The following SIK2 variants were observed in gnomAD, a reference collection of about 807,000 sequenced individuals.
SIK2 encodes the protein serine/threonine-protein kinase SIK2.
In SIK2, 29 loss-of-function variants were observed where a neutral mutation model predicts 103.2. That is an observed-to-expected ratio of 0.28 (90% CI 0.21 to 0.38). The LOEUF (loss-of-function observed/expected upper bound fraction) is 0.38, where lower values mean the gene tolerates loss of function less well. Among genes scored for constraint, SIK2 ranks in the 10% least tolerant of loss-of-function variants. The pLI is 1.00. For synonymous variants in SIK2, 412 were observed against 446.1 expected (o/e 0.92, Z 0.96); for missense variants, 879 against 1,171.0 (o/e 0.75, Z 3.64).
rs1565396473 is a variant in SIK2, at chr11:111,721,877, C to T, written c.1992C>T (p.Ser664=). The T allele has an allele frequency of 3.7e-6, 6 of 1,612,790 alleles. No individual in the cohort carries two copies. Among genetic ancestry groups the T allele is most frequent in the Admixed American group, 3.3e-5 (2 of 59,798 alleles). ...QQESVSTLPA[S]VHPQLSPRQS... ...AAAGCGTCTCCACTCTCCCTGCCAG[C>T]GTGCATCCCCAGCTGTCCCCACGGC... is the stretch of plus-strand genomic sequence containing the variant. The change falls in exon 13 of 15, where the codon AGC becomes AGT. Residue 664 remains serine (S), a synonymous_variant. Transcript: ENST00000304987.
chr11:111,715,265 C>T (rs1005044878), intron 9 of SIK2, among the ~76,000 whole-genome samples: 11 of 152,192 alleles, frequency 7.2e-5, no homozygotes, highest in Non-Finnish European at 2.9e-5. Context: ...GCTTGTCCCT[C>T]TTCCCTCCCT....
At chr11:111,626,408 T>C (rs890465257) in intron 3 of SIK2, among the ~76,000 whole-genome samples, 3 of 152,080 alleles carry the variant, frequency 2.0e-5, no homozygotes, top group Non-Finnish European at 4.4e-5. Flanking sequence ...TTTCTCTCTT[T>C]TCCCTTACTT....
In SIK2 at chr11:111,712,351, A is replaced by G; in HGVS notation, c.1242A>G (p.Glu414=). Reference sequence around the variant, plus strand: ...GTCAGGCGGAAGCTGCATTCATGGAAGAAGAGTGTGTGGACACTCCAAAGG... The same window carrying G: ...GTCAGGCGGAAGCTGCATTCATGGAGGAAGAGTGTGTGGACACTCCAAAGG... ...SGCQAEAAFM[E]EECVDTPKVN... Residue 414 remains glutamate (E), a synonymous_variant, in exon 9 of 15, where the codon GAA becomes GAG. Transcript: ENST00000304987. 6.2e-7 allele frequency: 1 copy of G among 1,614,184 alleles called. No individual in the cohort carries two copies. Among genetic ancestry groups the G allele is most frequent in the Non-Finnish European group, 8.5e-7 (1 of 1,180,020 alleles).
chr11:111,729,296 G>A lies in SIK2; in HGVS notation c.*5167G>A, dbSNP rs1944101748. On this transcript the variant is annotated 3_prime_UTR_variant, in exon 15 of 15. Transcript: ENST00000304987. ...ACAGATAGAGAACCAGGCGGCAGCA[G>A]TGCTCGCAGACCCACCCAGGGAGAG... 1 of 152,318 alleles carries A rather than the reference G, an allele frequency of 6.6e-6. No homozygotes were observed. The highest frequency in any genetic ancestry group is 2.4e-5 in the African/African-American group (1 of 41,466). The allele number at this position is 152,318 out of a possible 1,614,324, so 9.4% of individuals were successfully genotyped here. A position where few individuals can be genotyped will look rare whatever the true frequency, so the allele number is the denominator to read the frequency against.
chr11:111,640,970 G>T (rs1347302834), intron 3 of SIK2, among the ~76,000 whole-genome samples: 1 of 151,998 alleles, frequency 6.6e-6, no homozygotes, highest in Non-Finnish European at 1.5e-5. Flanking sequence ...TATAGTATTT[G>T]TAGGCATAAA....
In SIK2 at chr11:111,727,648, A is replaced by AG. The variant is rs1370996823; in HGVS notation, c.*3520dup. 3.2e-5 allele frequency: 5 copies of AG among 153,980 alleles called. No homozygotes were observed. The East Asian group carries it at 9.6e-4, about 30-fold the overall frequency. 9.5% of individuals were successfully genotyped at this position (153,980 alleles called of 1,614,324 possible). A position where few individuals can be genotyped will look rare whatever the true frequency, so the allele number is the denominator to read the frequency against. On this transcript the variant is annotated 3_prime_UTR_variant, in exon 15 of 15. Transcript: ENST00000304987. ...CTCCCCCACCTCCACCCACACACCGAGTGTCATCAGTCCTAAAGGCAGGGA... is the reference window on the plus strand; with the variant it reads ...CTCCCCCACCTCCACCCACACACCGAGGTGTCATCAGTCCTAAAGGCAGGGA...
At chr11:111,628,365 C>T (rs917584736) in intron 3 of SIK2, among the ~76,000 whole-genome samples, 3 of 148,720 alleles carry the variant, frequency 2.0e-5, no homozygotes, top group Non-Finnish European at 4.5e-5. Context: ...AGTCCCCATG[C>T]TCCTGCCACT....
chr11:111,697,091 T>C (rs1406362108), intron 4 of SIK2, among the ~76,000 whole-genome samples: 1 of 152,190 alleles, frequency 6.6e-6, no homozygotes, highest in East Asian at 1.9e-4. Context: ...ATAAAGGTGG[T>C]GGTTAACAAT....
At chr11:111,609,334 G>T (rs113143162) in intron 1 of SIK2, among the ~76,000 whole-genome samples, 10 of 145,158 alleles carry the variant, frequency 6.9e-5, no homozygotes, top group South Asian at 4.3e-4. Context: ...TTTTTTTTTT[G>T]GGGGGGGGAC....
At chr11:111,692,084 C>G (rs1335157743) in intron 4 of SIK2, among the ~76,000 whole-genome samples, 1 of 151,848 alleles carries the variant, frequency 6.6e-6, no homozygotes, top group Non-Finnish European at 1.5e-5. Context: ...GGCTCGGTGG[C>G]TTATGCCTGT....
At chr11:111,614,599 T>C (rs144997206) in intron 1 of SIK2, among the ~76,000 whole-genome samples, 184 of 152,336 alleles carry the variant, frequency 1.2e-3, no homozygotes, top group African/African-American at 4.0e-3. Context: ...TCCATCCTCA[T>C]TATCTTCACA....
chr11:111,690,967 G>T (rs1310337451), intron 4 of SIK2, among the ~76,000 whole-genome samples: 1 of 152,150 alleles, frequency 6.6e-6, no homozygotes, highest in Non-Finnish European at 1.5e-5. Flanking sequence ...AAAGGTTATA[G>T]GTGTGTAAAT....
intron 3 of SIK2, among the ~76,000 whole-genome samples, chr11:111,638,971 T>C (rs1276391070): frequency 6.6e-6 from 1 of 152,194 alleles, no homozygotes; most frequent in Non-Finnish European, 1.5e-5. Context: ...TGTTGAGCTT[T>C]AGTGGGCAGC....
At chr11:111,610,252 G>T (rs1046420223) in intron 1 of SIK2, among the ~76,000 whole-genome samples, 2 of 152,112 alleles carry the variant, frequency 1.3e-5, no homozygotes, top group Non-Finnish European at 2.9e-5. Context: ...CACTTTGGGG[G>T]GCCGAGGCGG....
At chr11:111,711,008 T>C (rs984547699) in intron 8 of SIK2, among the ~76,000 whole-genome samples, 1 of 152,242 alleles carries the variant, frequency 6.6e-6, no homozygotes, top group Non-Finnish European at 1.5e-5. Flanking sequence ...AAAACACATC[T>C]AATAAATTAT....
At chr11:111,681,621 A>C (rs1018755772) in intron 3 of SIK2, among the ~76,000 whole-genome samples, 1 of 152,220 alleles carries the variant, frequency 6.6e-6, no homozygotes, top group African/African-American at 2.4e-5. Flanking sequence ...CTAGCATGCC[A>C]ACTCCTTACT....
chr11:111,671,930 C>T (rs1447520528), intron 3 of SIK2: 1 of 469,632 alleles, frequency 2.1e-6, no homozygotes, highest in East Asian at 5.7e-5. Flanking sequence ...CCCAGAGTGT[C>T]CAGCTGCCAC....
chr11:111,708,712 T>C (rs970855799), intron 8 of SIK2, among the ~76,000 whole-genome samples: 2 of 152,046 alleles, frequency 1.3e-5, no homozygotes, highest in Non-Finnish European at 2.9e-5. Flanking sequence ...GCTTCCCAAG[T>C]AGCTGGGACC....
chr11:111,672,248 G>A, intron 3 of SIK2: 1 of 355,290 alleles, frequency 2.8e-6, no homozygotes. Flanking sequence ...ACCTATGCTG[G>A]CACTTAGGCC....
Sources: allele counts gnomAD v4.1 joint callset (sites outside exome capture counted in the v4.1 genomes callset), GRCh38; gene constraint gnomAD v4.1.1; transcripts MANE v1.5; gene names NCBI Gene and HGNC (gene_info 2026-07-23, HGNC 2026-07-21).